MTR: variants seen among roughly 807,000 people sequenced by gnomAD.
MTR encodes methionine synthase.
In MTR, 84 loss-of-function variants were observed where a neutral mutation model predicts 154.8. The observed-to-expected ratio is 0.54, with a 90% CI of 0.45 to 0.65. The LOEUF (loss-of-function observed/expected upper bound fraction) is 0.65, where lower values mean the gene tolerates loss of function less well. Ranked by LOEUF, MTR falls within the 30% of genes least tolerant of loss-of-function variation. The probability of loss-of-function intolerance (pLI) is 0.00; values close to 1 mark genes in which losing one functional copy is unlikely to be tolerated. For synonymous variants in MTR, 554 were observed against 553.9 expected (o/e 1.00, Z 0.00); for missense variants, 1,275 against 1,570.2 (o/e 0.81, Z 3.18).
chr1:236,859,594 G>T (rs761874002), intron 18 of MTR, among the ~76,000 whole-genome samples: 2 of 152,118 alleles, frequency 1.3e-5, no homozygotes, highest in Admixed American at 6.5e-5. Context: ...GGAAAGGAAA[G>T]AATGGAATTT....
Position 236,838,567 on chromosome 1 carries a change from A to G in MTR, c.1483A>G (p.Met495Val), listed in dbSNP as rs775291294. The change falls in exon 15 of 33, where the codon ATG becomes GTG. Residue 495 changes from methionine to valine, a missense_variant. Physicochemically the swap from Met to Val is conservative, Grantham distance 21. Transcript: ENST00000366577. Reference protein sequence around the residue: ...ARKIKKYGAAMVVMAFDEEGQ... With the variant: ...ARKIKKYGAAVVVMAFDEEGQ... Reference sequence around the variant, plus strand: ...GAAGATTAAAAAGTATGGAGCTGCTATGGTGGTCATGGCTTTTGATGAAGA... The same window carrying G: ...GAAGATTAAAAAGTATGGAGCTGCTGTGGTGGTCATGGCTTTTGATGAAGA... 8 of 1,614,132 alleles carry G rather than the reference A, an allele frequency of 5.0e-6. No individual in the cohort carries two copies. The highest frequency in any genetic ancestry group is 2.2e-5 in the South Asian group (2 of 91,082).
intron 1 of MTR, chr1:236,799,980 A>G (rs1660618601): frequency 1.1e-6 from 1 of 880,954 alleles, no homozygotes; most frequent in African/African-American, 1.8e-5. Context: ...AGATGCCAGA[A>G]TTTGCATGTG....
intron 11 of MTR, among the ~76,000 whole-genome samples, chr1:236,827,963 A>G (rs1281144673): frequency 6.6e-6 from 1 of 151,684 alleles, no homozygotes; most frequent in African/African-American, 2.4e-5. Flanking sequence ...GATGTGATAG[A>G]CTCTTAGTAA....
At chr1:236,880,347 C>T (rs1280191586) in intron 24 of MTR, among the ~76,000 whole-genome samples, 1 of 152,070 alleles carries the variant, frequency 6.6e-6, no homozygotes, top group African/African-American at 2.4e-5. Context: ...CTGCCTGGTT[C>T]CCGGTTCCTT....
intron 18 of MTR, among the ~76,000 whole-genome samples, chr1:236,855,176 CT>C (rs1253334032): frequency 1.3e-5 from 2 of 152,026 alleles, no homozygotes; most frequent in African/African-American, 4.8e-5. Flanking sequence ...GATTTTTTAT[CT>C]TTTATAAGAG....
rs1165095426 is a variant in MTR, at chr1:236,795,456, C to T, written c.-248C>T. ...TGCTAGGCCGACACCAAGGACTGGC[C>T]GGGTACCCGGGAAGAAAGCACGTGC... is the stretch of plus-strand genomic sequence containing the variant. On this transcript the variant is annotated 5_prime_UTR_variant, in exon 1 of 33. Coordinates refer to ENST00000366577, the MANE Select transcript of MTR (RefSeq NM_000254.3). 2.3e-5 allele frequency: 35 copies of T among 1,498,260 alleles called. No individual in the cohort carries two copies. The highest frequency in any genetic ancestry group is 2.9e-5 in the Non-Finnish European group (32 of 1,122,376). The allele number at this position is 1,498,260 out of a possible 1,614,324, so 92.8% of individuals were successfully genotyped here.
chr1:236,828,047 G>T, intron 11 of MTR, among the ~76,000 whole-genome samples: 1 of 151,844 alleles, frequency 6.6e-6, no homozygotes, highest in Non-Finnish European at 1.5e-5. Context: ...GTGCGATCTC[G>T]GCTCACTGCA....
At chr1:236,835,842 A>G (rs1470408786) in intron 14 of MTR, among the ~76,000 whole-genome samples, 155 bp downstream of exon 14, 6 of 152,092 alleles carry the variant, frequency 3.9e-5, no homozygotes, top group African/African-American at 1.2e-4. Context: ...CAGCTTTCTC[A>G]GATACTGATA....
chr1:236,819,803 G>A, intron 8 of MTR: 1 of 761,302 alleles, frequency 1.3e-6, no homozygotes, highest in Non-Finnish European at 2.4e-6. Flanking sequence ...GGACCTGGGA[G>A]AAGCTACAGC....
rs1054374518 is a variant in MTR at position 236,816,690 on chromosome 1, C to G, written c.764+147C>G. 7.2e-5 allele frequency: 54 copies of G among 753,078 alleles called. 2 individuals carry two copies. The South Asian group carries it at 8.1e-4, about 11-fold the overall frequency. The allele number at this position is 753,078 out of a possible 1,614,324, so 46.6% of individuals were successfully genotyped here. ...TGACTTTCCTTTAAGTACTTTCAGA[C>G]TTTTCCCTAAAGGTTTCAGAAGATC... On this transcript the variant is annotated intron_variant, in intron 8 of 32. Transcript: ENST00000366577.
intron 14 of MTR, among the ~76,000 whole-genome samples, chr1:236,837,075 G>A (rs1662950878): frequency 6.6e-6 from 1 of 152,094 alleles, no homozygotes; most frequent in South Asian, 2.1e-4. Flanking sequence ...CTTATTGGAG[G>A]CCAAATTTCT....
At chr1:236,827,169 C>T (rs545055058) in intron 11 of MTR, among the ~76,000 whole-genome samples, 22 of 152,238 alleles carry the variant, frequency 1.4e-4, no homozygotes, top group South Asian at 1.0e-3. Flanking sequence ...CAAGCAAGAC[C>T]GTGTCAAGAC....
At chr1:236,872,218 T>A (rs1241903312) in intron 22 of MTR, among the ~76,000 whole-genome samples, 1 of 152,090 alleles carries the variant, frequency 6.6e-6, no homozygotes, top group Non-Finnish European at 1.5e-5. Context: ...TCCAGGAAGC[T>A]CTCTCCTCCA....
intron 28 of MTR, among the ~76,000 whole-genome samples, chr1:236,890,331 C>G (rs551901596): frequency 8.5e-5 from 13 of 152,094 alleles, no homozygotes; most frequent in African/African-American, 2.9e-4. Flanking sequence ...TCACGGAAAC[C>G]GAGATGGTGT....
At chr1:236,873,961 C>A in intron 23 of MTR, 121 bp downstream of exon 23, 1 of 949,026 alleles carries the variant, frequency 1.1e-6, no homozygotes, top group Non-Finnish European at 1.7e-6. Context: ...GACATACAAT[C>A]AAGTGCCAGC....
At position 236,863,612 on chromosome 1, in the gene MTR, A is replaced by C. The variant is rs112103805; in HGVS notation, c.2405+58A>C. 1.1e-4 allele frequency: 155 copies of C among 1,450,330 alleles called. 3 individuals are homozygous for C. The highest frequency in any genetic ancestry group is 7.4e-4 in the African/African-American group (53 of 71,538). The allele number at this position is 1,450,330 out of a possible 1,614,324, so 89.8% of individuals were successfully genotyped here. ...TTCCATTTAAAAATGAAAGCCTTTT[A>C]ACAGAATAATTCTTCAATGGGTGGG... On this transcript the variant is annotated intron_variant, in intron 22 of 32. Coordinates refer to ENST00000366577, the MANE Select transcript of MTR (RefSeq NM_000254.3).
chr1:236,809,268 A>G (rs1256124403), intron 4 of MTR, among the ~76,000 whole-genome samples: 1 of 152,208 alleles, frequency 6.6e-6, no homozygotes, highest in Non-Finnish European at 1.5e-5. Context: ...GGCTCTGTGA[A>G]GCACACAAAA....
chr1:236,889,326 C>T lies in MTR; in HGVS notation c.2997C>T (p.Asp999=), dbSNP rs1666192069. 6.2e-7 allele frequency: 1 copy of T among 1,614,080 alleles called. No homozygotes were observed. Among genetic ancestry groups the T allele is most frequent in the African/African-American group, 1.3e-5 (1 of 74,924 alleles). ...GAGGCTTTCCCAAGATATTTAACGA[C>T]AAAACAGTAGGTTAGTGCAGTAAGT... The part of the protein sequence containing the change: ...PNRGFPKIFN[D]KTVGGEARKV... The change falls in exon 28 of 33, where the codon GAC becomes GAT. Residue 999 remains aspartate, a synonymous_variant. Transcript: ENST00000366577.
chr1:236,884,976 C>A, intron 25 of MTR, 145 bp from the exon 26 acceptor site: 1 of 682,658 alleles, frequency 1.5e-6, no homozygotes. Flanking sequence ...CCTTTTCCTG[C>A]ACGCCAGGCA....
Sources: gnomAD v4.1 joint callset for allele counts (sites outside exome capture counted in the v4.1 genomes callset) on GRCh38, gnomAD v4.1.1 for gene constraint, MANE v1.5 for transcripts, NCBI Gene and HGNC (gene_info 2026-07-23, HGNC 2026-07-21) for gene names.